Variants in PLA2G4F observed in about 807,000 individuals in gnomAD.
The protein encoded by PLA2G4F is cytosolic phospholipase A2 zeta.
PLA2G4F carries 105 observed loss-of-function variants against 103.1 expected under a neutral mutation model. That is an observed-to-expected ratio of 1.02 (90% confidence interval 0.87 to 1.20). The LOEUF is 1.20. Ranked by LOEUF, PLA2G4F falls within the 50% of genes most tolerant of loss-of-function variation. PLA2G4F has a pLI of 0.00. For synonymous variants in PLA2G4F, 468 were observed against 441.1 expected (o/e 1.06, Z -0.76); for missense variants, 1,155 against 1,075.9 (o/e 1.07, Z -1.03).
rs868520962 is a variant in PLA2G4F, at chr15:42,141,271, A to G, written c.*713T>C. ...CACACATCACCAGAGACTGTGGTCC[A>G]GGTTCGAAGAGTGAAGCCTGGGTAA... On this transcript the variant is annotated 3_prime_UTR_variant, in exon 20 of 20. Transcript: ENST00000397272. The G allele has an allele frequency of 2.2e-6, 1 of 456,764 alleles. No individual in the cohort carries two copies. The highest frequency in any genetic ancestry group is 4.4e-6 in the Non-Finnish European group (1 of 226,994). 28.3% of individuals were successfully genotyped at this position (456,764 alleles called of 1,614,324 possible). A position where few individuals can be genotyped will look rare whatever the true frequency, so the allele number is the denominator to read the frequency against.
In PLA2G4F at chr15:42,142,490, G is replaced by A. The variant is rs201123045; in HGVS notation, c.2329+38C>T. 8.5e-5 allele frequency: 133 copies of A among 1,573,322 alleles called. No homozygotes were observed. The East Asian group carries it at 2.3e-3, about 27-fold the overall frequency. Reference sequence around the variant, plus strand: ...AACAGCGTCCCATCACCATCCCAGGGCTCTGTGGGTCAGTCCCAGGCCTGG... The same window carrying A: ...AACAGCGTCCCATCACCATCCCAGGACTCTGTGGGTCAGTCCCAGGCCTGG... On this transcript the variant is annotated intron_variant, in intron 19 of 19. Coordinates refer to ENST00000397272, the MANE Select transcript of PLA2G4F (RefSeq NM_213600.4).
chr15:42,145,563 C>A lies in PLA2G4F; in HGVS notation c.1780+12G>T. 2 of 1,611,702 alleles carry A rather than the reference C, an allele frequency of 1.2e-6. No homozygotes were observed. Among genetic ancestry groups the A allele is most frequent in the South Asian group, 1.1e-5 (1 of 90,928 alleles). On this transcript the variant is annotated intron_variant, in intron 16 of 19. Transcript: ENST00000397272. ...ATGTGGTGTGGGAGGGGCTCGGGGT[C>A]GCTACCCTCACCTGTGATATTCACA...
intron 11 of PLA2G4F, among the ~76,000 whole-genome samples, chr15:42,148,157 G>A (rs1157723056): frequency 1.3e-5 from 2 of 150,728 alleles, no homozygotes; most frequent in Non-Finnish European, 2.9e-5. Context: ...ACTCCAGCCT[G>A]GGCGACAGAG....
intron 11 of PLA2G4F, chr15:42,148,562 T>C: frequency 1.1e-6 from 1 of 942,596 alleles, no homozygotes; most frequent in Non-Finnish European, 1.3e-6. Flanking sequence ...AATCGATCTC[T>C]ACACATGGAT....
Position 42,145,790 on chromosome 15 carries a change from C to G in PLA2G4F, c.1648G>C (p.Glu550Gln), listed in dbSNP as rs764278460. 1.2e-6 allele frequency: 2 copies of G among 1,614,132 alleles called. No homozygotes were observed. The highest frequency in any genetic ancestry group is 8.5e-7 in the Non-Finnish European group (1 of 1,180,030). Residue 550 changes from glutamate (E) to glutamine (Q), a missense_variant, in exon 15 of 20, where the codon GAA (glutamate) becomes CAA (glutamine). By Grantham distance (29) the Glu-to-Gln change is conservative (BLOSUM62 2). Around this residue, in one of 3 missense-constraint regions of PLA2G4F, gnomAD observed 782 missense variants for 692.9 expected, o/e 1.13. Transcript: ENST00000397272. ...FMGRLLQLQP[E>Q]PRICYLQGMW... The stretch of plus-strand genomic sequence containing the variant: ...CCTTGCAGGTAACAGATCCGGGGTT[C>G]AGGCTGGAGCTGCAGCAATCGTCCC...
chr15:42,148,107 A>G (rs79343389), intron 11 of PLA2G4F, among the ~76,000 whole-genome samples: 33,414 of 151,196 alleles, frequency 0.22, 5,386 homozygotes, highest in African/African-American at 0.42. Flanking sequence ...GCGTGAACCC[A>G]GGAGGCGGAG....
At position 42,139,456 on chromosome 15, in the gene PLA2G4F, G is replaced by A. The variant is rs996288488; in HGVS notation, c.*2528C>T. On this transcript the variant is annotated 3_prime_UTR_variant, in exon 20 of 20. Coordinates refer to ENST00000397272, the MANE Select transcript of PLA2G4F (RefSeq NM_213600.4). ...CCCCCTTTTTCTTCCCTTGCCTCAT[G>A]AGGAGCTCTGACAAGTTGATGAATG... The A allele has an allele frequency of 1.3e-5, 2 of 152,160 alleles. No homozygotes were observed. The highest frequency in any genetic ancestry group is 4.8e-5 in the African/African-American group (2 of 41,398). The allele number at this position is 152,160 out of a possible 1,614,324, so 9.4% of individuals were successfully genotyped here.
intron 1 of PLA2G4F, among the ~76,000 whole-genome samples, chr15:42,155,844 G>A (rs976240929): frequency 1.3e-5 from 2 of 152,176 alleles, no homozygotes; most frequent in Non-Finnish European, 2.9e-5. Context: ...AACGATGGCT[G>A]TCACGCACCA....
Position 42,141,959 on chromosome 15 carries a change from C to G in PLA2G4F, c.*25G>C, listed in dbSNP as rs1291089360. 2 of 1,596,904 alleles carry G rather than the reference C, an allele frequency of 1.3e-6. No homozygotes were observed. Among genetic ancestry groups the G allele is most frequent in the Non-Finnish European group, 1.7e-6 (2 of 1,166,782 alleles). ...CATGAGCAGTGTGTCTCCTCTCTGT[C>G]ACAGTCCTCCGCTTCCTGCCTTGGT... On this transcript the variant is annotated 3_prime_UTR_variant, in exon 20 of 20. Transcript: ENST00000397272.
At chr15:42,152,064 CT>C (rs1373520652) in intron 7 of PLA2G4F, among the ~76,000 whole-genome samples, 2 of 152,240 alleles carry the variant, frequency 1.3e-5, no homozygotes, top group East Asian at 3.8e-4. Context: ...CACATCTGGA[CT>C]TCCCTGCCTG....
rs201205262 is a variant in PLA2G4F at position 42,147,789 on chromosome 15, G to A, written c.1060-27C>T. The A allele has an allele frequency of 4.7e-5, 75 of 1,611,506 alleles. 1 individual carries two copies. In the South Asian group the frequency reaches 6.2e-4, roughly 13 times the overall value. ...TGGGTACAATAATAACAAGGATAAC[G>A]ACTCCGACTACCACCGTCATTGACG... On this transcript the variant is annotated intron_variant, in intron 11 of 19. Transcript: ENST00000397272.
chr15:42,154,932 C>T (rs955962516), intron 2 of PLA2G4F, among the ~76,000 whole-genome samples: 8 of 152,122 alleles, frequency 5.3e-5, no homozygotes, highest in East Asian at 1.9e-4. Context: ...CCTCCACCTA[C>T]TCTTGCACTC....
In PLA2G4F at chr15:42,144,644, T is replaced by C; in HGVS notation, c.1781A>G (p.Asp594Gly). ...GTGCAGCTGAGGCTTCTGGCAGTCG[T>C]CTAGACAGGGGCGGGACAGTGAAAT... The part of the protein sequence containing the change: ...EWYRGSVNIT[D>G]DCQKPQLHNP... Residue 594 changes from aspartate (D) to glycine (G), a missense_variant and splice_region_variant, in exon 17 of 20, where the codon GAC (aspartate) becomes GGC (glycine). By Grantham distance (94) the Asp-to-Gly change is moderately conservative. Around this residue, in one of 3 missense-constraint regions of PLA2G4F, gnomAD observed 782 missense variants for 692.9 expected, o/e 1.13. Transcript: ENST00000397272. The C allele has an allele frequency of 6.3e-7, 1 of 1,588,986 alleles. No individual in the cohort carries two copies. Among genetic ancestry groups the C allele is most frequent in the Non-Finnish European group, 8.6e-7 (1 of 1,167,070 alleles).
Position 42,156,504 on chromosome 15 carries a change from G to C in PLA2G4F, c.46C>G (p.Pro16Ala), listed in dbSNP as rs1251998994. The change falls in exon 1 of 20, where the codon CCC becomes GCC. Residue 16 changes from proline to alanine, a missense_variant. Around this residue, in one of 3 missense-constraint regions of PLA2G4F, gnomAD observed 370 missense variants for 364.9 expected, o/e 1.01. Coordinates refer to ENST00000397272, the MANE Select transcript of PLA2G4F (RefSeq NM_213600.4). ...WPRWLADKML[P>A]LLGAVLLQKR... Reference sequence around the variant, plus strand: ...TGAAGCAGCACTGCCCCCAGGAGGGGCAGCATCTTGTCTGCCAGCCACCTT... The same window carrying C: ...TGAAGCAGCACTGCCCCCAGGAGGGCCAGCATCTTGTCTGCCAGCCACCTT... 6.4e-7 allele frequency: 1 copy of C among 1,560,186 alleles called. No individual in the cohort carries two copies. The highest frequency in any genetic ancestry group is 1.9e-5 in the Admixed American group (1 of 52,204).
At chr15:42,147,986 C>T (rs993938321) in intron 11 of PLA2G4F, among the ~76,000 whole-genome samples, 5 of 152,034 alleles carry the variant, frequency 3.3e-5, no homozygotes, top group Admixed American at 1.3e-4. Flanking sequence ...GTCAGGAGAT[C>T]GAGACCACGG....
At position 42,147,690 on chromosome 15, in the gene PLA2G4F, C is replaced by T; in HGVS notation, c.1132G>A (p.Gly378Arg). The change falls in exon 12 of 20, where the codon GGG becomes AGG. Residue 378 changes from glycine (G) to arginine (R), a missense_variant. Physicochemically the swap from Gly to Arg is moderately radical, Grantham distance 125. Around this residue, in one of 3 missense-constraint regions of PLA2G4F, gnomAD observed 782 missense variants for 692.9 expected, o/e 1.13. Coordinates refer to ENST00000397272, the MANE Select transcript of PLA2G4F (RefSeq NM_213600.4). ...TCTAGAAGGCCGAGCTCCTGCAACC[C>T]TGCCAGGCTGCCGTACAGAGAAGAC... ...AMSSLYGSLAGLQELGLLDTV... is the reference protein window; with the variant it reads ...AMSSLYGSLARLQELGLLDTV... The T allele has an allele frequency of 1.2e-6, 2 of 1,614,180 alleles. No individual in the cohort carries two copies. Among genetic ancestry groups the T allele is most frequent in the Non-Finnish European group, 1.7e-6 (2 of 1,180,032 alleles).
At position 42,144,113 on chromosome 15, in the gene PLA2G4F, G is replaced by T. The variant is rs769148842; in HGVS notation, c.2007C>A (p.Leu669=). 4.3e-6 allele frequency: 7 copies of T among 1,613,242 alleles called. No individual in the cohort carries two copies. In the South Asian group the frequency reaches 7.7e-5, roughly 18 times the overall value. Residue 669 remains leucine (L), a synonymous_variant, in exon 18 of 20, where the codon CTC becomes CTA. Transcript: ENST00000397272. ...GGTACAGGCAGTCCCGCATGGGGGT[G>T]AGCTGGTTGGGGAAGGCGTCCGGGT... is the stretch of plus-strand genomic sequence containing the variant. ...DTHPDAFPNQ[L]TPMRDCLYLV...
intron 18 of PLA2G4F, among the ~76,000 whole-genome samples, chr15:42,143,194 AAAAAAAAAAAAG>A (rs1318937179): frequency 2.0e-5 from 3 of 150,486 alleles, no homozygotes; most frequent in Admixed American, 6.6e-5. Context: ...AAAAAAAAAA[AAAAAAAAAAAAG>A]CTCCCCATCC....
At chr15:42,153,976 G>A (rs982984980) in intron 4 of PLA2G4F, 116 bp downstream of exon 4, 16 of 1,480,204 alleles carry the variant, frequency 1.1e-5, no homozygotes, top group South Asian at 5.1e-5. Context: ...GCTGCGGGGT[G>A]GAGGAAGGTC....
Sources: allele counts gnomAD v4.1 joint callset (sites outside exome capture counted in the v4.1 genomes callset), GRCh38; gene constraint gnomAD v4.1.1; regional missense constraint gnomAD v4.1.1; transcripts MANE v1.5; gene names NCBI Gene and HGNC (gene_info 2026-07-23, HGNC 2026-07-21).